IQSEC1: variants seen among roughly 807,000 people sequenced by gnomAD.
The protein encoded by IQSEC1 is IQ motif and Sec7 domain ArfGEF 1.
Under a neutral mutation model 91.0 loss-of-function variants are expected in IQSEC1, and 31 were observed. That is an observed-to-expected ratio of 0.34 (90% confidence interval 0.26 to 0.46). IQSEC1 has a LOEUF of 0.46. Among genes scored for constraint, IQSEC1 ranks in the 20% least tolerant of loss-of-function variants. IQSEC1 has a pLI of 1.00. For missense variants in IQSEC1, 1,388 were observed against 1,575.6 expected (o/e 0.88, Z 2.02); for synonymous variants, 699 against 662.6 (o/e 1.05, Z -0.84).
intron 1 of IQSEC1, among the ~76,000 whole-genome samples, chr3:13,225,073 T>C (rs926456215): frequency 2.0e-5 from 3 of 152,234 alleles, no homozygotes; most frequent in Non-Finnish European, 4.4e-5. Flanking sequence ...GAAACAGAGC[T>C]AGAAAGTTAA....
At chr3:13,222,522 T>C (rs1382351679) in intron 1 of IQSEC1, among the ~76,000 whole-genome samples, 1 of 152,192 alleles carries the variant, frequency 6.6e-6, no homozygotes, top group Non-Finnish European at 1.5e-5. Context: ...TTGTATTGTA[T>C]GTTTAACTCC....
intron 1 of IQSEC1, among the ~76,000 whole-genome samples, chr3:12,957,245 C>G (rs1173722889): frequency 6.6e-6 from 1 of 152,236 alleles, no homozygotes; most frequent in Non-Finnish European, 1.5e-5. Context: ...ATGACCTCAT[C>G]TGCATGGCCT....
chr3:13,260,787 A>T (rs1695369434), intron 1 of IQSEC1, among the ~76,000 whole-genome samples: 1 of 152,270 alleles, frequency 6.6e-6, no homozygotes, highest in Admixed American at 6.5e-5. Flanking sequence ...AGAAAGCCAC[A>T]TTGTCCTGGG....
intron 1 of IQSEC1, among the ~76,000 whole-genome samples, chr3:13,188,129 G>A (rs1374583521): frequency 6.6e-6 from 1 of 152,240 alleles, no homozygotes; most frequent in Non-Finnish European, 1.5e-5. Flanking sequence ...ACCTCTGGTA[G>A]GACCTGAAAC....
intron 1 of IQSEC1, among the ~76,000 whole-genome samples, chr3:13,233,996 C>T (rs1450167697): frequency 6.6e-6 from 1 of 152,260 alleles, no homozygotes; most frequent in African/African-American, 2.4e-5. Flanking sequence ...GGGGCTGCTG[C>T]AATGACTGAC....
intron 1 of IQSEC1, among the ~76,000 whole-genome samples, chr3:13,244,032 T>C (rs375140879): frequency 1.3e-5 from 2 of 151,850 alleles, no homozygotes; most frequent in African/African-American, 4.9e-5. Flanking sequence ...GCGCCTGCTC[T>C]GTGCCAGGCC....
At position 13,145,649 on chromosome 3, in the gene IQSEC1, G is replaced by A. The variant is rs182278359; in HGVS notation, c.302+18455C>T. On this transcript the variant is annotated intron_variant, in intron 2 of 15. Transcript: ENST00000648114. The stretch of plus-strand genomic sequence containing the variant: ...AGCTTCCACACGAAGAAGGCGGAGC[G>A]GGGTGGGCAAAGGCCACTGTGTGAG... 3.5e-4 allele frequency among the ~76,000 whole-genome samples: 54 copies of A among 152,252 alleles called. 2 individuals carry two copies. The East Asian group carries it at 8.9e-3, about 25-fold the overall frequency.
intron 1 of IQSEC1, among the ~76,000 whole-genome samples, chr3:13,063,725 C>T (rs1008443102): frequency 2.0e-5 from 3 of 152,230 alleles, no homozygotes; most frequent in African/African-American, 7.2e-5. Flanking sequence ...GCAAAAGGGA[C>T]TTGTGTTTCC....
chr3:13,092,241 A>G (rs745610642), intron 2 of IQSEC1, among the ~76,000 whole-genome samples: 8 of 152,212 alleles, frequency 5.3e-5, no homozygotes, highest in Non-Finnish European at 7.4e-5. Flanking sequence ...AGGACACCGT[A>G]TCACGGGGGT....
chr3:13,000,008 T>C lies in IQSEC1; in HGVS notation c.24-58143A>G, dbSNP rs1307569659. ...CCCTGCTTAGCTCTATCTTCAACTA[T>C]GTCTCTCAAAATTAGGCTAAACCTA... On this transcript the variant is annotated intron_variant, in intron 1 of 13. Transcript: ENST00000613206. 2.0e-5 allele frequency among the ~76,000 whole-genome samples: 3 copies of C among 152,252 alleles called. No individual in the cohort carries two copies. In the East Asian group the frequency reaches 5.8e-4, roughly 29 times the overall value.
intron 2 of IQSEC1, among the ~76,000 whole-genome samples, chr3:13,085,184 G>T (rs1705715121): frequency 6.6e-6 from 1 of 152,140 alleles, no homozygotes; most frequent in African/African-American, 2.4e-5. Flanking sequence ...TTTTACAGAT[G>T]AGGAAACTGA....
intron 1 of IQSEC1, among the ~76,000 whole-genome samples, chr3:12,981,185 T>A (rs1382998421): frequency 6.6e-6 from 1 of 152,166 alleles, no homozygotes; most frequent in African/African-American, 2.4e-5. Context: ...TGGGTTTGAA[T>A]CCTGGCTCTG....
At chr3:13,096,194 T>A (rs1046194570) in intron 2 of IQSEC1, among the ~76,000 whole-genome samples, 5 of 152,190 alleles carry the variant, frequency 3.3e-5, no homozygotes, top group Admixed American at 2.0e-4. Flanking sequence ...TTCAGACACG[T>A]ATTGAGCACC....
intron 1 of IQSEC1, among the ~76,000 whole-genome samples, chr3:13,275,384 G>C (rs1435747362): frequency 6.6e-6 from 1 of 152,208 alleles, no homozygotes; most frequent in Non-Finnish European, 1.5e-5. Context: ...TTGTCCACCA[G>C]CTCCCTAAAA....
rs1424250936 is a variant in IQSEC1, at chr3:12,897,828, G to C, written c.*3155C>G. 1 of 152,174 alleles carries C rather than the reference G, an allele frequency of 6.6e-6. No homozygotes were observed. Among genetic ancestry groups the C allele is most frequent in the African/African-American group, 2.4e-5 (1 of 41,448 alleles). The allele number at this position is 152,174 out of a possible 1,614,324, so 9.4% of individuals were successfully genotyped here. A position where few individuals can be genotyped will look rare whatever the true frequency, so the allele number is the denominator to read the frequency against. On this transcript the variant is annotated 3_prime_UTR_variant, in exon 14 of 14. Coordinates refer to ENST00000613206, the MANE Select transcript of IQSEC1 (RefSeq NM_001134382.3). Reference sequence around the variant, plus strand: ...GCTCCTGCTGCATGCAGTGTGTGAGGGAAAGATCACTGCACTGGGTGCTGA... The same window carrying C: ...GCTCCTGCTGCATGCAGTGTGTGAGCGAAAGATCACTGCACTGGGTGCTGA...
chr3:13,062,742 G>A (rs898746478), intron 1 of IQSEC1, among the ~76,000 whole-genome samples: 15 of 152,144 alleles, frequency 9.9e-5, no homozygotes, highest in Non-Finnish European at 4.4e-5. Context: ...CGGTGTTATC[G>A]TGGGGCCAAT....
intron 1 of IQSEC1, among the ~76,000 whole-genome samples, chr3:13,051,359 C>T (rs1318408057): frequency 6.6e-6 from 1 of 152,180 alleles, no homozygotes; most frequent in Non-Finnish European, 1.5e-5. Context: ...GGCACTGCTT[C>T]TAAACAGCAC....
In IQSEC1 at chr3:13,175,744, C is replaced by T. The variant is rs187274233; in HGVS notation, c.273-11611G>A. Among the ~76,000 whole-genome samples, 104 of 152,372 alleles carry T rather than the reference C, an allele frequency of 6.8e-4. 1 individual carries two copies. The East Asian group carries it at 0.01, about 15-fold the overall frequency. Reference sequence around the variant, plus strand: ...AGGCTCCCCTAGATTCGGGATCTGGCGAGGGCCACTTGTCCGGTTCACAGA... The same window carrying T: ...AGGCTCCCCTAGATTCGGGATCTGGTGAGGGCCACTTGTCCGGTTCACAGA... On this transcript the variant is annotated intron_variant, in intron 1 of 15. Coordinates refer to the IQSEC1 transcript ENST00000648114.
intron 1 of IQSEC1, among the ~76,000 whole-genome samples, chr3:13,241,864 T>C (rs28722469): frequency 0.23 from 34,401 of 152,114 alleles, 6,929 homozygotes; most frequent in African/African-American, 0.54. Flanking sequence ...GTGAAACACA[T>C]TTTCACAGAC....
Sources: allele counts gnomAD v4.1 joint callset (sites outside exome capture counted in the v4.1 genomes callset), GRCh38; gene constraint gnomAD v4.1.1; transcripts MANE v1.5; gene names NCBI Gene and HGNC (gene_info 2026-07-23, HGNC 2026-07-21).